Variants in RIMBP2 observed in about 807,000 individuals in gnomAD.
RIMBP2 encodes the protein RIMS binding protein 2.
In RIMBP2, 48 loss-of-function variants were observed where a neutral mutation model predicts 118.6. That is an observed-to-expected ratio of 0.40 (90% CI 0.32 to 0.51). The LOEUF is 0.51. RIMBP2 is among the 20% of genes least tolerant of loss of function. The probability of loss-of-function intolerance (pLI) is 0.41; values close to 1 mark genes in which losing one functional copy is unlikely to be tolerated. For synonymous variants in RIMBP2, 762 were observed against 742.9 expected, an observed-to-expected ratio of 1.03 and a Z score of -0.42; for missense variants, 1,551 against 1,768.3, an observed-to-expected ratio of 0.88 and a Z score of 2.20.
chr12:130,676,433 G>A (rs1267744981), intron 1 of RIMBP2, among the ~76,000 whole-genome samples: 1 of 151,602 alleles, frequency 6.6e-6, no homozygotes, highest in African/African-American at 2.4e-5. Flanking sequence ...GACCATCCTG[G>A]CCAACATGGT....
intron 1 of RIMBP2, among the ~76,000 whole-genome samples, chr12:130,646,700 G>C (rs1003222169): frequency 1.3e-5 from 2 of 152,232 alleles, no homozygotes; most frequent in Admixed American, 6.5e-5. Flanking sequence ...ATTGTACAAA[G>C]CTAGAGTTGG....
chr12:130,424,622 C>A lies in RIMBP2; in HGVS notation c.2649G>T (p.Trp883Cys). ...CCGAGCCCCTGTGCTTCACCGGGAA[C>A]CAGGAGCCCCGAGGGGCCTCGTCGC... Reference protein sequence around the residue: ...YRGDEAPRGSWFPVKHRGSGA... With the variant: ...YRGDEAPRGSCFPVKHRGSGA... Residue 883 changes from tryptophan (W) to cysteine (C), a missense_variant, in exon 16 of 23, where the codon TGG becomes TGT. Around this residue, in one of 5 missense-constraint regions of RIMBP2, gnomAD observed 1,038 missense variants for 1,125.1 expected, o/e 0.92. Transcript: ENST00000690449. The surrounding 1 kb of genome is among the most constrained non-coding windows in gnomAD (Gnocchi z 9.8). 1.6e-6 allele frequency: 2 copies of A among 1,231,938 alleles called. No homozygotes were observed. Among genetic ancestry groups the A allele is most frequent in the South Asian group, 8.2e-5 (2 of 24,318 alleles). 76.3% of individuals were successfully genotyped at this position (1,231,938 alleles called of 1,614,324 possible).
intron 6 of RIMBP2, among the ~76,000 whole-genome samples, chr12:130,468,371 G>A (rs2080695027): frequency 6.6e-6 from 1 of 152,198 alleles, no homozygotes; most frequent in Non-Finnish European, 1.5e-5. Context: ...TGAGGGGTTT[G>A]GATTCAGCAG....
intron 4 of RIMBP2, among the ~76,000 whole-genome samples, chr12:130,500,494 C>A (rs1440375646): frequency 6.6e-6 from 1 of 152,132 alleles, no homozygotes; most frequent in Non-Finnish European, 1.5e-5. Context: ...AATAAATAAG[C>A]CATGTGTTGC....
intron 4 of RIMBP2, among the ~76,000 whole-genome samples, chr12:130,493,841 T>C (rs371132603): frequency 6.6e-6 from 1 of 152,126 alleles, no homozygotes; most frequent in East Asian, 1.9e-4. Flanking sequence ...CATGAAAGAG[T>C]CTACCAGGAG....
At chr12:130,713,043 G>A (rs1255517976) in intron 1 of RIMBP2, among the ~76,000 whole-genome samples, 2 of 151,662 alleles carry the variant, frequency 1.3e-5, no homozygotes, top group Non-Finnish European at 2.9e-5. Flanking sequence ...CTGAGAGAGG[G>A]AGAGGAGGAA....
intron 11 of RIMBP2, among the ~76,000 whole-genome samples, chr12:130,441,039 T>C (rs199920635): frequency 1.3e-5 from 2 of 152,176 alleles, no homozygotes; most frequent in Non-Finnish European, 2.9e-5. Context: ...TGAGCGGAGA[T>C]AGCAGAAAAG....
At position 130,620,523 on chromosome 12, in the gene RIMBP2, C is replaced by A. The variant is rs2061241293; in HGVS notation, c.-217+7799G>T. Among the ~76,000 whole-genome samples, 1 of 152,210 alleles carries A rather than the reference C, an allele frequency of 6.6e-6. No individual in the cohort carries two copies. The highest frequency in any genetic ancestry group is 1.5e-5 in the Non-Finnish European group (1 of 68,022). On this transcript the variant is annotated intron_variant, in intron 2 of 22. Coordinates refer to ENST00000690449, the MANE Select transcript of RIMBP2 (RefSeq NM_001393629.1). This position sits in a 1 kb window ranked among gnomAD's most constrained non-coding sequence, Gnocchi z 5.3. ...CCAGGAGGCTTGAAGAACAGGCATG[C>A]ACGGCCCCACAGTCCCAGGGGCCAG...
rs533994352 is a variant in RIMBP2 at position 130,639,115 on chromosome 12, C to T, written c.-351-10659G>A. On this transcript the variant is annotated intron_variant, in intron 1 of 22. Coordinates refer to ENST00000690449, the MANE Select transcript of RIMBP2 (RefSeq NM_001393629.1). ...CTTTTAATAAAAGCCTGGCCGGGCACGGTGGCTCACGCCTGTAATCCCAGC... is the reference window on the plus strand; with the variant it reads ...CTTTTAATAAAAGCCTGGCCGGGCATGGTGGCTCACGCCTGTAATCCCAGC... Among the ~76,000 whole-genome samples the T allele has an allele frequency of 6.6e-5, 10 of 152,220 alleles. No individual in the cohort carries two copies. The East Asian group carries it at 1.2e-3, about 18-fold the overall frequency.
At chr12:130,559,662 G>A (rs180882395) in intron 2 of RIMBP2, among the ~76,000 whole-genome samples, 115 of 152,314 alleles carry the variant, frequency 7.6e-4, no homozygotes, top group Middle Eastern at 3.4e-3. Flanking sequence ...CTGGGACTGC[G>A]TGCAGGGCAC....
chr12:130,421,691 A>ATGTGTGTGTGTGTGTGTG lies in RIMBP2; in HGVS notation c.3238+744_3238+761dup, dbSNP rs35161782. 4.2e-3 allele frequency among the ~76,000 whole-genome samples: 617 copies of ATGTGTGTGTGTGTGTGTG among 147,276 alleles called. 5 individuals are homozygous for ATGTGTGTGTGTGTGTGTG. The highest frequency in any genetic ancestry group is 0.015 in the African/African-American group (576 of 39,554). On this transcript the variant is annotated intron_variant, in intron 17 of 22. Coordinates refer to ENST00000690449, the MANE Select transcript of RIMBP2 (RefSeq NM_001393629.1). ...TATCAAGAGTTCTCCCTGCATTTAT[A>ATGTGTGTGTGTGTGTGTG]TGTGTGTGTGTGTGTGTGTGTGTGT...
At chr12:130,700,408 A>G (rs1284521224) in intron 1 of RIMBP2, among the ~76,000 whole-genome samples, 1 of 152,182 alleles carries the variant, frequency 6.6e-6, no homozygotes, top group African/African-American at 2.4e-5. Flanking sequence ...TCGAGACCTC[A>G]GAATGGGACC....
rs537281776 is a variant in RIMBP2, at chr12:130,495,664, C to G, written c.-4+10984G>C. On this transcript the variant is annotated intron_variant, in intron 4 of 22. Coordinates refer to ENST00000690449, the MANE Select transcript of RIMBP2 (RefSeq NM_001393629.1). ...GCATCTGGCATGGTACCTGGCTATC[C>G]TTCTGTCTATTCTAGTAGATTCCTT... is the stretch of plus-strand genomic sequence containing the variant. Among the ~76,000 whole-genome samples the G allele has an allele frequency of 3.3e-5, 5 of 152,308 alleles. No individual in the cohort carries two copies. In the South Asian group the frequency reaches 1.0e-3, roughly 32 times the overall value.
rs2065171558 is a variant in RIMBP2 at position 130,688,608 on chromosome 12, CG to C, written c.-352+27613del. On this transcript the variant is annotated intron_variant, in intron 1 of 22. Coordinates refer to ENST00000690449, the MANE Select transcript of RIMBP2 (RefSeq NM_001393629.1). This position sits in a 1 kb window ranked among gnomAD's most constrained non-coding sequence, Gnocchi z 4.7. ...CCCTTAGGACTCTGAGCACAGCCGG[CG>C]GGCATTCTCCCAGCCCTGCAGCAGG... Among the ~76,000 whole-genome samples, 1 of 151,940 alleles carries C rather than the reference CG, an allele frequency of 6.6e-6. No individual in the cohort carries two copies. The highest frequency in any genetic ancestry group is 1.5e-5 in the Non-Finnish European group (1 of 68,010).
chr12:130,439,846 TGAGTCTGTGGGG>T (rs2077959734), intron 11 of RIMBP2, among the ~76,000 whole-genome samples: 1 of 145,378 alleles, frequency 6.9e-6, no homozygotes, highest in Non-Finnish European at 1.5e-5. Flanking sequence ...TGTGTATCTG[TGAGTCTGTGGGG>T]GTGTCTGTGG....
In RIMBP2 at chr12:130,424,415, C is replaced by T. The variant is rs776056285; in HGVS notation, c.2856G>A (p.Arg952=). The change falls in exon 16 of 23, where the codon AGG becomes AGA. Residue 952 remains arginine (R), a synonymous_variant. Coordinates refer to ENST00000690449, the MANE Select transcript of RIMBP2 (RefSeq NM_001393629.1). The surrounding 1 kb of genome is among the most constrained non-coding windows in gnomAD (Gnocchi z 9.8). ...SPGPGHCPCR[R]GPRPLLARRR... ...GCCGGGCCAGCAGCGGCCTCGGGCC[C>T]CTCCTGCAGGGACAGTGACCAGGGC... 1.8e-4 allele frequency: 224 copies of T among 1,232,740 alleles called. No individual in the cohort carries two copies. Among genetic ancestry groups the T allele is most frequent in the African/African-American group, 5.4e-4 (35 of 64,534 alleles). The allele number at this position is 1,232,740 out of a possible 1,614,324, so 76.4% of individuals were successfully genotyped here. A position where few individuals can be genotyped will look rare whatever the true frequency, so the allele number is the denominator to read the frequency against.
intron 4 of RIMBP2, among the ~76,000 whole-genome samples, chr12:130,482,302 C>T (rs2082081323): frequency 6.6e-6 from 1 of 152,324 alleles, no homozygotes; most frequent in African/African-American, 2.4e-5. Flanking sequence ...ATTGGTTCAT[C>T]GGACTGGATT....
At chr12:130,529,228 T>C (rs997213263) in intron 2 of RIMBP2, among the ~76,000 whole-genome samples, 1 of 151,614 alleles carries the variant, frequency 6.6e-6, no homozygotes, top group Non-Finnish European at 1.5e-5. Context: ...TGCTGATTCA[T>C]GCCACAACAG....
Position 130,422,369 on chromosome 12 carries a change from TA to T in RIMBP2, c.3238+83del. Reference sequence around the variant, plus strand: ...TTTGCTTAGCGGAAAATGCTACTCCTAAAGTTTTGTTCATGCTTAGATGGAG... The same window carrying T: ...TTTGCTTAGCGGAAAATGCTACTCCTAAGTTTTGTTCATGCTTAGATGGAG... On this transcript the variant is annotated intron_variant, in intron 17 of 22. Transcript: ENST00000690449. This position sits in a 1 kb window ranked among gnomAD's most constrained non-coding sequence, Gnocchi z 5.2. 1 of 906,800 alleles carries T rather than the reference TA, an allele frequency of 1.1e-6. No individual in the cohort carries two copies. The highest frequency in any genetic ancestry group is 1.7e-6 in the Non-Finnish European group (1 of 586,502). The allele number at this position is 906,800 out of a possible 1,614,324, so 56.2% of individuals were successfully genotyped here.
Sources: gnomAD v4.1 joint callset for allele counts (sites outside exome capture counted in the v4.1 genomes callset) on GRCh38, gnomAD v4.1.1 for gene constraint, gnomAD v4.1.1 regional missense constraint, Gnocchi (gnomAD v3.1) non-coding constraint, MANE v1.5 for transcripts, NCBI Gene and HGNC (gene_info 2026-07-23, HGNC 2026-07-21) for gene names.